The following TRPV6 variants were observed in gnomAD, a reference collection of about 807,000 sequenced individuals.
TRPV6 encodes the protein Alu-binding protein with zinc finger domain.
TRPV6 carries 39 observed loss-of-function variants against 79.0 expected under a neutral mutation model. That is an observed-to-expected ratio of 0.49 (90% CI 0.38 to 0.64). TRPV6 has a LOEUF of 0.64. Among genes scored for constraint, TRPV6 ranks in the 30% least tolerant of loss-of-function variants. The pLI, the probability that TRPV6 is intolerant of heterozygous loss-of-function variation, is 0.00. For synonymous variants in TRPV6, 373 were observed against 391.9 expected (o/e 0.95, Z 0.57); for missense variants, 813 against 1,011.1 (o/e 0.80, Z 2.66).
chr7:142,874,716 A>G lies in TRPV6; in HGVS notation c.1407-60T>C. 6 of 1,584,238 alleles carry G rather than the reference A, an allele frequency of 3.8e-6. No homozygotes were observed. In the South Asian group the frequency reaches 4.5e-5, roughly 12 times the overall value. On this transcript the variant is annotated intron_variant, in intron 10 of 14. Coordinates refer to ENST00000359396, the MANE Select transcript of TRPV6 (RefSeq NM_018646.6). ...GCTGGGATGATCCTGGGGACCTGAC[A>G]GCAAGAATGTAGCTGGGAAAGTACC... is the stretch of plus-strand genomic sequence containing the variant.
intron 14 of TRPV6, 147 bp from the exon 15 acceptor site, chr7:142,872,136 T>A: frequency 8.1e-7 from 1 of 1,229,988 alleles, no homozygotes; most frequent in Non-Finnish European, 1.1e-6. Context: ...CCTGGGTCAC[T>A]GGCCCCTTGG....
intron 2 of TRPV6, 40 bp downstream of exon 2, chr7:142,877,889 G>A (rs1163592668): frequency 6.2e-7 from 1 of 1,613,512 alleles, no homozygotes; most frequent in South Asian, 1.1e-5. Context: ...CCCATGTGTG[G>A]GGCTCACCTA....
At chr7:142,884,387 A>G (rs975440278) in intron 1 of TRPV6, 1 of 152,210 alleles carries the variant, frequency 6.6e-6, no homozygotes, top group Admixed American at 6.5e-5. Flanking sequence ...CCTAAGGCAC[A>G]AAGACTTCAG....
Position 142,877,295 on chromosome 7 carries a change from CTG to C in TRPV6, c.470-18_470-17del. ...GCAGTCTGACCTGGCCCAGAGACAGCTGTCAGTCACGGGTCTGTCCCCAGGAT... is the reference window on the plus strand; with the variant it reads ...GCAGTCTGACCTGGCCCAGAGACAGCTCAGTCACGGGTCTGTCCCCAGGAT... On this transcript the variant is annotated splice_polypyrimidine_tract_variant and intron_variant, in intron 3 of 14. Coordinates refer to ENST00000359396, the MANE Select transcript of TRPV6 (RefSeq NM_018646.6). The C allele has an allele frequency of 6.2e-7, 1 of 1,612,554 alleles. No individual in the cohort carries two copies. The highest frequency in any genetic ancestry group is 8.5e-7 in the Non-Finnish European group (1 of 1,178,672).
At chr7:142,878,320 C>A (rs1795122746) in intron 1 of TRPV6, 3 of 466,768 alleles carry the variant, frequency 6.4e-6, no homozygotes, top group Non-Finnish European at 1.2e-5. Flanking sequence ...ATTATCAGTG[C>A]ATTTCAGGTA....
At position 142,885,529 on chromosome 7, in the gene TRPV6, C is replaced by T. The variant is rs4987602; in HGVS notation, c.108G>A (p.Pro36=). 8.0e-5 allele frequency: 128 copies of T among 1,599,090 alleles called. No individual in the cohort carries two copies. In the African/African-American group the frequency reaches 1.4e-3, roughly 18 times the overall value. Residue 36 remains proline, a synonymous_variant, in exon 1 of 15, where the codon CCG becomes CCA. Coordinates refer to ENST00000359396, the MANE Select transcript of TRPV6 (RefSeq NM_018646.6). ...GTGACAAACCCATGGGGTGTAGGGC[C>T]GGCTCCTTGGGGGCCTGAGGCCGAG...
In TRPV6 at chr7:142,871,616, A is replaced by C. The variant is rs1207272333; in HGVS notation, c.*91T>G. The C allele has an allele frequency of 6.8e-7, 1 of 1,461,332 alleles. No homozygotes were observed. The highest frequency in any genetic ancestry group is 2.3e-5 in the East Asian group (1 of 43,720). The allele number at this position is 1,461,332 out of a possible 1,614,324, so 90.5% of individuals were successfully genotyped here. A position where few individuals can be genotyped will look rare whatever the true frequency, so the allele number is the denominator to read the frequency against. Reference sequence around the variant, plus strand: ...TCCTCTTTCTCCCCTGGGGCCTGGGAGATGAGACCTCTGGGTGTTTGGTTT... The same window carrying C: ...TCCTCTTTCTCCCCTGGGGCCTGGGCGATGAGACCTCTGGGTGTTTGGTTT... On this transcript the variant is annotated 3_prime_UTR_variant, in exon 15 of 15. Transcript: ENST00000359396.
At chr7:142,874,803 A>G in intron 10 of TRPV6, 101 bp downstream of exon 10, 6 of 1,558,268 alleles carry the variant, frequency 3.9e-6, no homozygotes, top group Non-Finnish European at 5.3e-6. Context: ...AGCACTAGAG[A>G]GGGGGCTCTG....
intron 1 of TRPV6, chr7:142,880,182 T>G (rs1795164703): frequency 6.6e-6 from 1 of 152,260 alleles, no homozygotes; most frequent in South Asian, 2.1e-4. Flanking sequence ...AAACACAGCT[T>G]CAAAACAAGT....
Position 142,871,758 on chromosome 7 carries a change from C to A in TRPV6, c.2247G>T (p.Gly749=). The change falls in exon 15 of 15, where the codon GGG becomes GGT. Residue 749 remains glycine (G), a synonymous_variant. Transcript: ENST00000359396. The stretch of plus-strand genomic sequence containing the variant: ...CGTCCTCCAGACCCCTGTTGATTAT[C>A]CCACGCAGGTCTCTCCTCAGGGTCC... 6.2e-7 allele frequency: 1 copy of A among 1,613,862 alleles called. No homozygotes were observed.
At position 142,871,759 on chromosome 7, in the gene TRPV6, C is replaced by G. The variant is rs768222646; in HGVS notation, c.2246G>C (p.Gly749Ala). 1 of 1,613,846 alleles carries G rather than the reference C, an allele frequency of 6.2e-7. No individual in the cohort carries two copies. Among genetic ancestry groups the G allele is most frequent in the East Asian group, 2.2e-5 (1 of 44,876 alleles). ...GTCCTCCAGACCCCTGTTGATTATCCCACGCAGGTCTCTCCTCAGGGTCCC... is the reference window on the plus strand; with the variant it reads ...GTCCTCCAGACCCCTGTTGATTATCGCACGCAGGTCTCTCCTCAGGGTCCC... Residue 749 changes from glycine (G) to alanine (A), a missense_variant, in exon 15 of 15, where the codon GGG (glycine) becomes GCG (alanine). Gly to Ala is a moderately conservative substitution (Grantham distance 60). This residue lies in a region of TRPV6 where 164 missense variants were observed against 186.1 expected (regional missense o/e 0.88). Coordinates refer to ENST00000359396, the MANE Select transcript of TRPV6 (RefSeq NM_018646.6).
intron 1 of TRPV6, chr7:142,880,718 G>T (rs1291192657): frequency 6.6e-6 from 1 of 152,176 alleles, no homozygotes; most frequent in Admixed American, 6.5e-5. Flanking sequence ...AAAACAAAAA[G>T]CTACTGTCAG....
rs1428899255 is a variant in TRPV6, at chr7:142,875,122, C to G, written c.1285G>C (p.Glu429Gln). 6.2e-7 allele frequency: 1 copy of G among 1,614,176 alleles called. No homozygotes were observed. Among genetic ancestry groups the G allele is most frequent in the Non-Finnish European group, 8.5e-7 (1 of 1,180,032 alleles). The change falls in exon 9 of 15, where the codon GAG (glutamate) becomes CAG (glutamine). Residue 429 changes from glutamate (E) to glutamine (Q), a missense_variant. Glu to Gln is a conservative substitution (Grantham distance 29, BLOSUM62 2). This residue lies in a region of TRPV6 where 555 missense variants were observed against 631.0 expected (regional missense o/e 0.88). Transcript: ENST00000359396. The stretch of plus-strand genomic sequence containing the variant: ...ATAGCCCCAATGACAGTCACCAGCT[C>G]CCCGACCAGCCGGATATCGTCCTTA...
chr7:142,877,895 A>C (rs1309487142), intron 2 of TRPV6, 34 bp downstream of exon 2: 1 of 1,612,768 alleles, frequency 6.2e-7, no homozygotes, highest in Non-Finnish European at 8.5e-7. Flanking sequence ...TGTGGGGCTC[A>C]CCTAGGAGAT....
Position 142,871,627 on chromosome 7 carries a change from C to G in TRPV6, c.*80G>C. The G allele has an allele frequency of 1.3e-6, 2 of 1,511,842 alleles. No homozygotes were observed. The highest frequency in any genetic ancestry group is 1.8e-6 in the Non-Finnish European group (2 of 1,123,332). The allele number at this position is 1,511,842 out of a possible 1,614,324, so 93.7% of individuals were successfully genotyped here. Reference sequence around the variant, plus strand: ...CCCTGGGGCCTGGGAGATGAGACCTCTGGGTGTTTGGTTTTTGTTTTGTTT... The same window carrying G: ...CCCTGGGGCCTGGGAGATGAGACCTGTGGGTGTTTGGTTTTTGTTTTGTTT... On this transcript the variant is annotated 3_prime_UTR_variant, in exon 15 of 15. Coordinates refer to ENST00000359396, the MANE Select transcript of TRPV6 (RefSeq NM_018646.6).
At position 142,875,099 on chromosome 7, in the gene TRPV6, A is replaced by G; in HGVS notation, c.1308T>C (p.Ala436=). 1 of 1,614,166 alleles carries G rather than the reference A, an allele frequency of 6.2e-7. No homozygotes were observed. Residue 436 remains alanine, a synonymous_variant, in exon 9 of 15, where the codon GCT becomes GCC. Coordinates refer to ENST00000359396, the MANE Select transcript of TRPV6 (RefSeq NM_018646.6). ...TCACCTCTACCAGCAGGATGATGAT[A>G]GCCCCAATGACAGTCACCAGCTCCC...
At chr7:142,872,248 A>G in intron 14 of TRPV6, 124 bp downstream of exon 14, 1 of 1,068,616 alleles carries the variant, frequency 9.4e-7, no homozygotes, top group Non-Finnish European at 1.3e-6. Context: ...CTCAATCAAC[A>G]AGCATAGAGC....
At chr7:142,878,316 A>G (rs2116523150) in intron 1 of TRPV6, 1 of 474,340 alleles carries the variant, frequency 2.1e-6, no homozygotes. Flanking sequence ...ATGTATTATC[A>G]GTGCATTTCA....
Position 142,872,362 on chromosome 7 carries a change from T to G in TRPV6, c.2015+10A>C, listed in dbSNP as rs1248396315. The G allele has an allele frequency of 4.3e-6, 7 of 1,613,762 alleles. No individual in the cohort carries two copies. In the South Asian group the frequency reaches 7.7e-5, roughly 18 times the overall value. On this transcript the variant is annotated intron_variant, in intron 14 of 14. Coordinates refer to ENST00000359396, the MANE Select transcript of TRPV6 (RefSeq NM_018646.6). ...TTCTCAGGGGACACCTACCCCCGCA[T>G]ATCACTCACCGCAGGAACCAGCGGT...
Sources: allele counts gnomAD v4.1 joint callset, GRCh38; gene constraint gnomAD v4.1.1; regional missense constraint gnomAD v4.1.1; transcripts MANE v1.5; gene names NCBI Gene and HGNC (gene_info 2026-07-23, HGNC 2026-07-21).